The following STIMATE variants were observed in gnomAD, a reference collection of about 807,000 sequenced individuals.
STIMATE encodes store-operated calcium entry regulator STIMATE.
In STIMATE, 15 loss-of-function variants were observed where a neutral mutation model predicts 36.7. That is an observed-to-expected ratio of 0.41 (90% CI 0.27 to 0.63). The LOEUF (loss-of-function observed/expected upper bound fraction) is 0.63. STIMATE is among the 20% of genes least tolerant of loss of function. The pLI is 0.32. For synonymous variants in STIMATE, 163 were observed against 162.3 expected (o/e 1.00, Z -0.03); for missense variants, 305 against 397.3 (o/e 0.77, Z 1.98).
At chr3:52,884,915 C>T (rs1171861665) in intron 1 of STIMATE, among the ~76,000 whole-genome samples, 1 of 152,160 alleles carries the variant, frequency 6.6e-6, no homozygotes, top group Admixed American at 6.5e-5. Flanking sequence ...GTTTTCTGTT[C>T]TCTTGGGTAA....
intron 1 of STIMATE, among the ~76,000 whole-genome samples, chr3:52,877,302 G>A (rs1012968994): frequency 6.6e-6 from 1 of 152,346 alleles, no homozygotes. Flanking sequence ...CACTGGCTGC[G>A]GCTCCAGGCT....
rs1700968745 is a variant in STIMATE at position 52,849,898 on chromosome 3, G to A, written c.321C>T (p.Phe107=). Residue 107 remains phenylalanine, a synonymous_variant, in exon 4 of 8, where the codon TTC becomes TTT. Transcript: ENST00000355083. The part of the protein sequence containing the change: ...EDPCSLYLIN[F]LLDATVGMLL... ...GCATGCCCACAGTGGCGTCCAGGAGGAAGTTGATGAGGTACCTGTGAGGAC... is the reference window on the plus strand; with the variant it reads ...GCATGCCCACAGTGGCGTCCAGGAGAAAGTTGATGAGGTACCTGTGAGGAC... 1.2e-6 allele frequency: 2 copies of A among 1,613,682 alleles called. No homozygotes were observed. Among genetic ancestry groups the A allele is most frequent in the African/African-American group, 1.3e-5 (1 of 75,052 alleles).
chr3:52,897,223 G>A (rs1372995095), intron 1 of STIMATE, 68 bp downstream of exon 1: 5 of 1,508,494 alleles, frequency 3.3e-6, no homozygotes, highest in East Asian at 5.1e-5. Context: ...CGCAGGAGGG[G>A]CCCCCAGGGG....
chr3:52,852,451 T>G, intron 3 of STIMATE, 152 bp downstream of exon 3: 1 of 895,372 alleles, frequency 1.1e-6, no homozygotes, highest in African/African-American at 1.7e-5. Flanking sequence ...CAGGACAGCA[T>G]GTACAGGATG....
chr3:52,889,379 A>G (rs1157528658), intron 1 of STIMATE, among the ~76,000 whole-genome samples: 1 of 152,172 alleles, frequency 6.6e-6, no homozygotes. Flanking sequence ...TCCAGGCTGA[A>G]AGTATCTCTA....
chr3:52,872,763 T>C (rs1050460965), intron 1 of STIMATE, among the ~76,000 whole-genome samples: 1 of 152,136 alleles, frequency 6.6e-6, no homozygotes, highest in Non-Finnish European at 1.5e-5. Context: ...GTAGCTGGGA[T>C]TACAGGCATG....
intron 1 of STIMATE, 26 bp from the exon 2 acceptor site, chr3:52,855,470 G>C (rs1359233754): frequency 6.2e-7 from 1 of 1,614,022 alleles, no homozygotes; most frequent in Non-Finnish European, 8.5e-7. Context: ...GACATCAGTA[G>C]TTTTCCAAAG....
chr3:52,874,192 T>C (rs1701460455), intron 1 of STIMATE, among the ~76,000 whole-genome samples: 1 of 152,224 alleles, frequency 6.6e-6, no homozygotes, highest in Non-Finnish European at 1.5e-5. Context: ...GTTGATCATA[T>C]GTGATTATGC....
intron 1 of STIMATE, among the ~76,000 whole-genome samples, chr3:52,888,001 T>TTTTTTTTG (rs1701720264): frequency 5.2e-5 from 7 of 133,812 alleles, no homozygotes; most frequent in South Asian, 2.6e-4. Context: ...TCAGTTTTTT[T>TTTTTTTTG]TTTTTTTTTT....
chr3:52,848,605 G>A (rs974405860), intron 4 of STIMATE: 1 of 152,436 alleles, frequency 6.6e-6, no homozygotes, highest in South Asian at 2.1e-4. Context: ...GGGGTGGTGG[G>A]AGGGTTTAGG....
intron 1 of STIMATE, among the ~76,000 whole-genome samples, chr3:52,882,293 C>A (rs963595641): frequency 1.3e-5 from 2 of 152,224 alleles, no homozygotes; most frequent in African/African-American, 4.8e-5. Context: ...AAGCTGCAGT[C>A]TTCATAATAA....
chr3:52,887,884 G>A (rs943125577), intron 1 of STIMATE, among the ~76,000 whole-genome samples: 2 of 149,310 alleles, frequency 1.3e-5, no homozygotes, highest in South Asian at 4.3e-4. Flanking sequence ...TAGAATATTA[G>A]TAAATGATTT....
intron 1 of STIMATE, among the ~76,000 whole-genome samples, chr3:52,876,847 A>T (rs1701509766): frequency 6.6e-6 from 1 of 152,206 alleles, no homozygotes; most frequent in Admixed American, 6.5e-5. Flanking sequence ...GTCAGAAGTT[A>T]TATGCGGGTT....
At chr3:52,886,465 T>A (rs758596265) in intron 1 of STIMATE, among the ~76,000 whole-genome samples, 29 of 152,130 alleles carry the variant, frequency 1.9e-4, no homozygotes, top group Non-Finnish European at 3.5e-4. Flanking sequence ...TGAGTACTCA[T>A]CTCATAGGGA....
At chr3:52,891,299 C>T (rs931417562) in intron 1 of STIMATE, among the ~76,000 whole-genome samples, 1 of 152,142 alleles carries the variant, frequency 6.6e-6, no homozygotes, top group Non-Finnish European at 1.5e-5. Context: ...ACCAGGAGCC[C>T]TTGTACAAGG....
In STIMATE at chr3:52,897,375, G is replaced by A; in HGVS notation, c.76C>T (p.Arg26Cys). 1 of 1,506,744 alleles carries A rather than the reference G, an allele frequency of 6.6e-7. No individual in the cohort carries two copies. The highest frequency in any genetic ancestry group is 8.8e-7 in the Non-Finnish European group (1 of 1,134,376). The allele number at this position is 1,506,744 out of a possible 1,614,324, so 93.3% of individuals were successfully genotyped here. A position where few individuals can be genotyped will look rare whatever the true frequency, so the allele number is the denominator to read the frequency against. ...TGCATGAGCGCGCCGCTCTCGCAGC[G>A]GCCCGCCCCGGACGCGACTGTGGAG... The part of the protein sequence containing the change: ...PPSTVASGAG[R>C]CESGALMHSF... Residue 26 changes from arginine to cysteine, a missense_variant, in exon 1 of 8, where the codon CGC (arginine) becomes TGC (cysteine). Arg to Cys is a radical substitution (Grantham distance 180). Transcript: ENST00000355083.
chr3:52,888,287 T>C (rs1423943350), intron 1 of STIMATE, among the ~76,000 whole-genome samples: 3 of 152,122 alleles, frequency 2.0e-5, no homozygotes, highest in Non-Finnish European at 4.4e-5. Flanking sequence ...AAGTGAAGGG[T>C]AGCCAGGTCA....
At position 52,840,702 on chromosome 3, in the gene STIMATE, T is replaced by C. The variant is rs1175116647; in HGVS notation, c.769-92A>G. 15 of 67,328 alleles carry C rather than the reference T, an allele frequency of 2.2e-4. 1 individual carries two copies. The highest frequency in any genetic ancestry group is 3.0e-4 in the Non-Finnish European group (14 of 47,116). 4.2% of individuals were successfully genotyped at this position (67,328 alleles called of 1,614,324 possible). ...ACCCTGGGCCCTTCAAGTCTCATGT[T>C]TTTTTTTTTTTTTTTTGGACAGAGT... is the stretch of plus-strand genomic sequence containing the variant. On this transcript the variant is annotated intron_variant, in intron 7 of 7. Transcript: ENST00000355083.
intron 1 of STIMATE, among the ~76,000 whole-genome samples, chr3:52,890,400 G>T (rs1295147605): frequency 6.6e-6 from 1 of 152,254 alleles, no homozygotes; most frequent in East Asian, 1.9e-4. Context: ...CTGAACCGAT[G>T]CAGTGGTTCT....
Sources: gnomAD v4.1 joint callset for allele counts (sites outside exome capture counted in the v4.1 genomes callset) on GRCh38, gnomAD v4.1.1 for gene constraint, MANE v1.5 for transcripts, NCBI Gene and HGNC (gene_info 2026-07-23, HGNC 2026-07-21) for gene names.